DACH1: variants seen among roughly 807,000 people sequenced by gnomAD.
DACH1 encodes dachshund homolog 1.
In DACH1, 12 loss-of-function variants were observed where a neutral mutation model predicts 54.2. The ratio of observed to expected loss-of-function variants is 0.22; its 90% CI spans 0.14 to 0.36. The LOEUF is 0.36. Among genes scored for constraint, DACH1 ranks in the 10% least tolerant of loss-of-function variants. The pLI is 1.00. For synonymous variants in DACH1, 386 were observed against 366.2 expected (o/e 1.05, Z -0.62); for missense variants, 805 against 929.8 (o/e 0.87, Z 1.75).
intron 2 of DACH1, among the ~76,000 whole-genome samples, chr13:71,642,349 A>T (rs1877967860): frequency 6.6e-6 from 1 of 152,228 alleles, no homozygotes; most frequent in African/African-American, 2.4e-5. Context: ...CCAGCTAATC[A>T]CAAAAGCTTC....
At chr13:71,541,036 C>G (rs74095968) in intron 6 of DACH1, among the ~76,000 whole-genome samples, 3,505 of 151,732 alleles carry the variant, frequency 0.023, 132 homozygotes, top group African/African-American at 0.079. Context: ...AGCACTTTTT[C>G]TCAAGTAGGA....
chr13:71,573,851 A>C (rs1350623589), intron 3 of DACH1, among the ~76,000 whole-genome samples: 2 of 152,126 alleles, frequency 1.3e-5, no homozygotes, highest in Non-Finnish European at 2.9e-5. Flanking sequence ...TTAATATGAA[A>C]TGGTCTCTAT....
At chr13:71,473,346 T>G (rs1320848713) in intron 10 of DACH1, among the ~76,000 whole-genome samples, 1 of 152,200 alleles carries the variant, frequency 6.6e-6, no homozygotes, top group African/African-American at 2.4e-5. Context: ...AAGTTGTTGG[T>G]GCATAGGTTT....
At chr13:71,494,385 C>A (rs2138215689) in intron 6 of DACH1, among the ~76,000 whole-genome samples, 1 of 151,408 alleles carries the variant, frequency 6.6e-6, no homozygotes, top group Non-Finnish European at 1.5e-5. Flanking sequence ...ACTTTTTTTC[C>A]CCTGGGTTAG....
At chr13:71,865,737 G>A (rs1387199008) in intron 1 of DACH1, among the ~76,000 whole-genome samples, 185 bp downstream of exon 1, 1 of 152,108 alleles carries the variant, frequency 6.6e-6, no homozygotes, top group Non-Finnish European at 1.5e-5. Flanking sequence ...GCAGGGTGAG[G>A]TGCCAACTTC....
At chr13:71,755,925 G>A (rs1371488667) in intron 1 of DACH1, among the ~76,000 whole-genome samples, 2 of 152,230 alleles carry the variant, frequency 1.3e-5, no homozygotes, top group East Asian at 3.9e-4. Context: ...TTTATTGGCT[G>A]AGACGGTATG....
chr13:71,823,070 A>G (rs554915648), intron 1 of DACH1, among the ~76,000 whole-genome samples: 45 of 152,256 alleles, frequency 3.0e-4, no homozygotes, highest in African/African-American at 1.1e-3. Flanking sequence ...ATTATTTTCT[A>G]TAAAGATGAG....
chr13:71,862,187 A>G (rs1566548951), intron 1 of DACH1, among the ~76,000 whole-genome samples: 1 of 152,006 alleles, frequency 6.6e-6, no homozygotes, highest in Non-Finnish European at 1.5e-5. Flanking sequence ...AGAAAAAATT[A>G]TCTTCTTACA....
intron 6 of DACH1, among the ~76,000 whole-genome samples, chr13:71,537,605 T>C (rs1427485805): frequency 6.6e-6 from 1 of 152,084 alleles, no homozygotes; most frequent in Non-Finnish European, 1.5e-5. Context: ...ATGATAACAA[T>C]GTTAGAGTTC....
At chr13:71,577,533 A>G (rs1243619823) in intron 3 of DACH1, among the ~76,000 whole-genome samples, 1 of 152,186 alleles carries the variant, frequency 6.6e-6, no homozygotes, top group Non-Finnish European at 1.5e-5. Context: ...TAAGACAGCA[A>G]TGCTGATTCA....
chr13:71,533,742 T>C (rs1234462116), intron 6 of DACH1, among the ~76,000 whole-genome samples: 1 of 151,020 alleles, frequency 6.6e-6, no homozygotes, highest in African/African-American at 2.5e-5. Flanking sequence ...ATTCTCTCTC[T>C]CTCTCTGAGT....
At chr13:71,542,799 T>C (rs1007795925) in intron 6 of DACH1, among the ~76,000 whole-genome samples, 2 of 152,138 alleles carry the variant, frequency 1.3e-5, no homozygotes, top group Admixed American at 6.6e-5. Flanking sequence ...AAATAAGAAC[T>C]TATAAGCCAG....
At chr13:71,470,057 T>C (rs1192726390) in intron 10 of DACH1, among the ~76,000 whole-genome samples, 1 of 152,194 alleles carries the variant, frequency 6.6e-6, no homozygotes, top group East Asian at 1.9e-4. Flanking sequence ...TTTTTCTTGG[T>C]TTTAAAAAAC....
chr13:71,570,969 G>T (rs920886990), intron 4 of DACH1, among the ~76,000 whole-genome samples: 1 of 152,224 alleles, frequency 6.6e-6, no homozygotes, highest in South Asian at 2.1e-4. Flanking sequence ...CAAGTATCCT[G>T]ATATAAATAA....
At chr13:71,443,081 ATATAT>A (rs1874149074) in intron 10 of DACH1, among the ~76,000 whole-genome samples, 1 of 148,456 alleles carries the variant, frequency 6.7e-6, no homozygotes, top group Middle Eastern at 3.3e-3. Flanking sequence ...AAATGTAATT[ATATAT>A]TATATGTAAT....
chr13:71,677,954 A>C (rs755905666), intron 2 of DACH1, among the ~76,000 whole-genome samples: 1 of 152,130 alleles, frequency 6.6e-6, no homozygotes, highest in Non-Finnish European at 1.5e-5. Flanking sequence ...TCTTGACCTC[A>C]TGATCCGCCT....
At chr13:71,714,556 T>A (rs568198203) in intron 1 of DACH1, among the ~76,000 whole-genome samples, 1 of 152,144 alleles carries the variant, frequency 6.6e-6, no homozygotes, top group East Asian at 1.9e-4. Context: ...CATCCAGTAT[T>A]ATACACATTT....
chr13:71,561,576 C>T (rs901898398), intron 4 of DACH1, among the ~76,000 whole-genome samples: 1 of 152,106 alleles, frequency 6.6e-6, no homozygotes, highest in Admixed American at 6.6e-5. Context: ...GGAGCATGGT[C>T]CTCATGAACT....
chr13:71,816,318 G>T (rs1887919686), intron 1 of DACH1, among the ~76,000 whole-genome samples: 1 of 151,870 alleles, frequency 6.6e-6, no homozygotes, highest in African/African-American at 2.4e-5. Flanking sequence ...TCCCATTTTT[G>T]CCTGGACTCT....
Sources: gnomAD v4.1 joint callset for allele counts (sites outside exome capture counted in the v4.1 genomes callset) on GRCh38, gnomAD v4.1.1 for gene constraint, MANE v1.5 for transcripts, NCBI Gene and HGNC (gene_info 2026-07-23, HGNC 2026-07-21) for gene names.